NOB1: variants seen among roughly 807,000 people sequenced by gnomAD.
NOB1 encodes NIN1 (RPN12) binding protein 1 homolog, also known as RNA-binding protein NOB1.
In NOB1, 44 loss-of-function variants were observed where a neutral mutation model predicts 44.8. That is an observed-to-expected ratio of 0.98 (90% CI 0.77 to 1.26). The LOEUF (loss-of-function observed/expected upper bound fraction) is 1.26, where lower values mean the gene tolerates loss of function less well. Among genes scored for constraint, NOB1 ranks in the 50% most tolerant of loss-of-function variants. The pLI is 0.00. For missense variants in NOB1, 560 were observed against 544.8 expected, an observed-to-expected ratio of 1.03 and a Z score of -0.28; for synonymous variants, 238 against 218.7, an observed-to-expected ratio of 1.09 and a Z score of -0.78.
At chr16:69,747,278 C>T (rs940347655) in intron 7 of NOB1, among the ~76,000 whole-genome samples, 1 of 150,234 alleles carries the variant, frequency 6.7e-6, no homozygotes, top group African/African-American at 2.4e-5. Context: ...TGGCTCAGGC[C>T]TGTAATCGCA....
chr16:69,742,279 G>A lies in NOB1; in HGVS notation c.*53C>T. ...GACACGGCTGGGGAAATGGGTCACC[G>A]GAACTCCACGGCGGCCAGACGCCCA... On this transcript the variant is annotated 3_prime_UTR_variant, in exon 9 of 9. Coordinates refer to ENST00000268802, the MANE Select transcript of NOB1 (RefSeq NM_014062.3). 1.0e-5 allele frequency: 16 copies of A among 1,578,478 alleles called. No homozygotes were observed. The highest frequency in any genetic ancestry group is 1.3e-5 in the Non-Finnish European group (15 of 1,159,068).
intron 8 of NOB1, among the ~76,000 whole-genome samples, chr16:69,743,443 C>A (rs1237650955): frequency 2.0e-5 from 3 of 152,166 alleles, no homozygotes; most frequent in East Asian, 3.8e-4. Context: ...GTGGCAGAAG[C>A]CACTGAACCA....
At chr16:69,749,675 A>T (rs944026591) in intron 3 of NOB1, 45 bp from the exon 4 acceptor site, 4 of 1,493,964 alleles carry the variant, frequency 2.7e-6, no homozygotes, top group Non-Finnish European at 3.7e-6. Context: ...TCAAAATTAA[A>T]GATATCCAGT....
chr16:69,749,044 G>C lies in NOB1; in HGVS notation c.600C>G (p.Asp200Glu), dbSNP rs201940286. The change falls in exon 6 of 9, where the codon GAC becomes GAG. Residue 200 changes from aspartate to glutamate, a missense_variant. Transcript: ENST00000268802. ...EENGFEDRKDDSDDDGGGWIT... is the reference protein window; with the variant it reads ...EENGFEDRKDESDDDGGGWIT... ...TCCAGCCACCCCCGTCGTCATCGCTGTCATCTTTTCTGTCTTCAAACCCGT... is the reference window on the plus strand; with the variant it reads ...TCCAGCCACCCCCGTCGTCATCGCTCTCATCTTTTCTGTCTTCAAACCCGT... 1.1e-4 allele frequency: 174 copies of C among 1,614,120 alleles called. 1 individual carries two copies. The highest frequency in any genetic ancestry group is 1.4e-4 in the Non-Finnish European group (162 of 1,180,052).
At chr16:69,752,074 A>T (rs2038487297) in intron 3 of NOB1, among the ~76,000 whole-genome samples, 167 bp downstream of exon 3, 2 of 152,158 alleles carry the variant, frequency 1.3e-5, no homozygotes, top group South Asian at 4.1e-4. Context: ...CAAAAAAAAA[A>T]AAGTACTCAG....
At position 69,748,941 on chromosome 16, in the gene NOB1, G is replaced by A; in HGVS notation, c.703C>T (p.Leu235=). Residue 235 remains leucine (L), a synonymous_variant, in exon 6 of 9, where the codon CTG becomes TTG. Coordinates refer to ENST00000268802, the MANE Select transcript of NOB1 (RefSeq NM_014062.3). ...DVPEDVRVGC[L]TTDFAMQNVL... is the part of the protein sequence containing the mutation. The stretch of plus-strand genomic sequence containing the variant: ...ACCTGCATGGCGAAGTCTGTGGTCA[G>A]GCAGCCAACCCGCACGTCCTCGGGG... 1 of 1,610,586 alleles carries A rather than the reference G, an allele frequency of 6.2e-7. No individual in the cohort carries two copies. The highest frequency in any genetic ancestry group is 8.5e-7 in the Non-Finnish European group (1 of 1,177,878).
chr16:69,749,753 G>A (rs1484791493), intron 3 of NOB1, 123 bp from the exon 4 acceptor site: 8 of 660,802 alleles, frequency 1.2e-5, no homozygotes, highest in South Asian at 1.0e-4. Context: ...CGAGGTGGGC[G>A]GATCACCCAA....
In NOB1 at chr16:69,752,248, G is replaced by A; in HGVS notation, c.320C>T (p.Pro107Leu). 6.2e-7 allele frequency: 1 copy of A among 1,611,596 alleles called. No homozygotes were observed. The highest frequency in any genetic ancestry group is 8.5e-7 in the Non-Finnish European group (1 of 1,179,134). Reference protein sequence around the residue: ...FVGVSHLKQEPQKVKVSSSIQ... With the variant: ...FVGVSHLKQELQKVKVSSSIQ... ...CCCATCCTCTTGATTTACCTTCTGT[G>A]GTTCTTGTTTTAGGTGAGACACCCC... Residue 107 changes from proline (P) to leucine (L), a missense_variant, in exon 3 of 9, where the codon CCA becomes CTA. Pro to Leu is a moderately conservative substitution (Grantham distance 98, BLOSUM62 -3). Transcript: ENST00000268802.
At chr16:69,748,887 G>T (rs1235755888) in intron 6 of NOB1, 31 bp downstream of exon 6, 1 of 1,546,404 alleles carries the variant, frequency 6.5e-7, no homozygotes, top group East Asian at 2.3e-5. Context: ...GATGACGTGT[G>T]TGACACACGG....
intron 7 of NOB1, 100 bp downstream of exon 7, chr16:69,748,132 T>C: frequency 2.3e-6 from 2 of 857,184 alleles, no homozygotes; most frequent in East Asian, 2.8e-5. Context: ...ACCACTGCAC[T>C]CCAGCCTAGG....
At chr16:69,747,050 G>A (rs760900382) in intron 7 of NOB1, among the ~76,000 whole-genome samples, 20 of 150,734 alleles carry the variant, frequency 1.3e-4, no homozygotes, top group Admixed American at 7.3e-4. Flanking sequence ...GTGAAACCCC[G>A]TCTCTACTAA....
intron 7 of NOB1, 48 bp downstream of exon 7, chr16:69,748,184 G>T: frequency 7.2e-7 from 1 of 1,393,212 alleles, no homozygotes; most frequent in African/African-American, 1.4e-5. Context: ...AAAGAAACAG[G>T]AAGAGTGTTC....
At chr16:69,747,974 A>T (rs1387186539) in intron 7 of NOB1, among the ~76,000 whole-genome samples, 1 of 152,182 alleles carries the variant, frequency 6.6e-6, no homozygotes, top group Non-Finnish European at 1.5e-5. Flanking sequence ...CCTGACCAAC[A>T]TGGTGAAACC....
In NOB1 at chr16:69,742,448, C is replaced by T. The variant is rs770825976; in HGVS notation, c.1123G>A (p.Glu375Lys). The T allele has an allele frequency of 1.5e-5, 24 of 1,614,128 alleles. No individual in the cohort carries two copies. The highest frequency in any genetic ancestry group is 3.3e-5 in the South Asian group (3 of 91,094). ...DYIAGVSPFVENDISSRSATL... is the reference protein window; with the variant it reads ...DYIAGVSPFVKNDISSRSATL... ...GCTGAGCGGCTGGAGATGTCATTCT[C>T]GACAAAGGGTGACACCCCGGCGATG... The change falls in exon 9 of 9, where the codon GAG becomes AAG. Residue 375 changes from glutamate to lysine, a missense_variant. Physicochemically the swap from Glu to Lys is moderately conservative, Grantham distance 56. Coordinates refer to ENST00000268802, the MANE Select transcript of NOB1 (RefSeq NM_014062.3).
chr16:69,754,905 A>C lies in NOB1; in HGVS notation c.6T>G (p.Ala2=), dbSNP rs1461217922. The change falls in exon 1 of 9, where the codon GCT becomes GCG. Residue 2 remains alanine (A), a synonymous_variant. Coordinates refer to ENST00000268802, the MANE Select transcript of NOB1 (RefSeq NM_014062.3). The part of the protein sequence containing the change: M[A]PVEHVVADAG... Reference sequence around the variant, plus strand: ...CATCCGCCACAACGTGCTCCACTGGAGCCATGTTGGCTGCGTGAGAGGGGA... The same window carrying C: ...CATCCGCCACAACGTGCTCCACTGGCGCCATGTTGGCTGCGTGAGAGGGGA... 6.3e-7 allele frequency: 1 copy of C among 1,585,508 alleles called. No individual in the cohort carries two copies. Among genetic ancestry groups the C allele is most frequent in the South Asian group, 1.1e-5 (1 of 87,882 alleles).
intron 2 of NOB1, 38 bp from the exon 3 acceptor site, chr16:69,752,409 A>T: frequency 6.3e-7 from 1 of 1,598,592 alleles, no homozygotes; most frequent in Non-Finnish European, 8.6e-7. Context: ...TTAGAGGTAA[A>T]AAGCCATATG....
intron 8 of NOB1, among the ~76,000 whole-genome samples, chr16:69,743,431 AG>A (rs919300183): frequency 1.3e-5 from 2 of 152,224 alleles, no homozygotes; most frequent in African/African-American, 4.8e-5. Flanking sequence ...CAGGGGATTA[AG>A]GTGGCAGAAG....
At chr16:69,749,418 A>C (rs2038463574) in intron 4 of NOB1, 80 bp from the exon 5 acceptor site, 5 of 1,564,806 alleles carry the variant, frequency 3.2e-6, no homozygotes, top group Non-Finnish European at 4.3e-6. Context: ...ATCACATATG[A>C]TATACAAGTC....
chr16:69,750,107 G>A (rs1406401244), intron 3 of NOB1, among the ~76,000 whole-genome samples: 16 of 150,404 alleles, frequency 1.1e-4, no homozygotes, highest in Non-Finnish European at 1.8e-4. Flanking sequence ...AGGTTCAAGC[G>A]ATTCTCATGC....
Sources: gnomAD v4.1 joint callset for allele counts (sites outside exome capture counted in the v4.1 genomes callset) on GRCh38, gnomAD v4.1.1 for gene constraint, MANE v1.5 for transcripts, NCBI Gene and HGNC (gene_info 2026-07-23, HGNC 2026-07-21) for gene names.